Variants in SLC4A4 observed in about 807,000 individuals in gnomAD.
The protein encoded by SLC4A4 is electrogenic sodium bicarbonate cotransporter 1.
SLC4A4 carries 27 observed loss-of-function variants against 111.5 expected under a neutral mutation model. That is an observed-to-expected ratio of 0.24 (90% CI 0.18 to 0.33). The LOEUF (loss-of-function observed/expected upper bound fraction) is 0.33. Ranked by LOEUF, SLC4A4 falls within the 10% of genes least tolerant of loss-of-function variation. The pLI, the probability that SLC4A4 is intolerant of heterozygous loss-of-function variation, is 1.00. For synonymous variants in SLC4A4, 443 were observed against 463.4 expected (o/e 0.96, Z 0.57); for missense variants, 909 against 1,315.5 (o/e 0.69, Z 4.78).
intron 2 of SLC4A4, among the ~76,000 whole-genome samples, chr4:71,107,992 A>G (rs899732276): frequency 2.3e-4 from 35 of 152,160 alleles, no homozygotes; most frequent in Non-Finnish European, 4.7e-4. Context: ...TAACATCCTG[A>G]AGTTATAACA....
At chr4:71,219,889 C>T (rs1055964957) in intron 1 of SLC4A4, among the ~76,000 whole-genome samples, 29 of 152,284 alleles carry the variant, frequency 1.9e-4, no homozygotes, top group African/African-American at 7.0e-4. Flanking sequence ...ATTGTTACAA[C>T]CTCATGACAA....
chr4:71,158,569 C>T (rs1210663298), intron 2 of SLC4A4, among the ~76,000 whole-genome samples: 1 of 152,174 alleles, frequency 6.6e-6, no homozygotes, highest in Non-Finnish European at 1.5e-5. Context: ...TGGCAAAGGG[C>T]CTCCTTTTGA....
At chr4:71,098,950 T>C (rs1742637659) in intron 2 of SLC4A4, among the ~76,000 whole-genome samples, 1 of 152,150 alleles carries the variant, frequency 6.6e-6, no homozygotes, top group African/African-American at 2.4e-5. Context: ...AGCACTCAGA[T>C]TTATAAAGCA....
intron 2 of SLC4A4, among the ~76,000 whole-genome samples, chr4:71,174,135 C>A (rs1346598661): frequency 6.6e-6 from 1 of 152,012 alleles, no homozygotes; most frequent in Admixed American, 6.5e-5. Flanking sequence ...CAGCTATGAA[C>A]TGGGTTTGAA....
At chr4:71,465,978 A>G (rs980097363) in intron 12 of SLC4A4, among the ~76,000 whole-genome samples, 12 of 152,046 alleles carry the variant, frequency 7.9e-5, no homozygotes, top group African/African-American at 2.9e-4. Flanking sequence ...GTGTTTCTCT[A>G]GGAAAAAAAT....
intron 20 of SLC4A4, 41 bp from the exon 21 acceptor site, chr4:71,555,099 T>G: frequency 7.4e-7 from 1 of 1,345,018 alleles, no homozygotes; most frequent in Non-Finnish European, 1.1e-6. Flanking sequence ...CTCTTTTTTC[T>G]TGTTATCATT....
At chr4:71,452,952 C>A (rs1324305412) in intron 11 of SLC4A4, among the ~76,000 whole-genome samples, 2 of 152,080 alleles carry the variant, frequency 1.3e-5, no homozygotes, top group Non-Finnish European at 2.9e-5. Context: ...TGTCTGCCTC[C>A]TTTTCATCCC....
At chr4:71,179,799 G>A (rs1164231040) in intron 2 of SLC4A4, among the ~76,000 whole-genome samples, 4 of 152,088 alleles carry the variant, frequency 2.6e-5, no homozygotes, top group African/African-American at 9.7e-5. Context: ...TAGATTCAAT[G>A]CCATCCCCAT....
chr4:71,429,585 C>A (rs950276878), intron 7 of SLC4A4, among the ~76,000 whole-genome samples: 5 of 152,086 alleles, frequency 3.3e-5, no homozygotes, highest in African/African-American at 9.7e-5. Context: ...CTGGTAAAGA[C>A]AAAAGATCAC....
intron 2 of SLC4A4, among the ~76,000 whole-genome samples, chr4:71,128,198 G>T (rs1743608412): frequency 6.6e-6 from 1 of 152,214 alleles, no homozygotes; most frequent in African/African-American, 2.4e-5. Flanking sequence ...AATCATGGTG[G>T]AAGGCAAGGA....
At chr4:71,429,886 T>A (rs987399142) in intron 7 of SLC4A4, among the ~76,000 whole-genome samples, 15 of 152,180 alleles carry the variant, frequency 9.9e-5, no homozygotes, top group Non-Finnish European at 1.9e-4. Flanking sequence ...GTTTTATCTT[T>A]TATTGTTCTT....
intron 16 of SLC4A4, among the ~76,000 whole-genome samples, chr4:71,526,276 A>G (rs1733411128): frequency 6.6e-6 from 1 of 151,918 alleles, no homozygotes; most frequent in Admixed American, 6.6e-5. Context: ...AATAATAAAC[A>G]CTCTCCAGGA....
At chr4:71,558,713 T>C in intron 22 of SLC4A4, among the ~76,000 whole-genome samples, 1 of 151,952 alleles carries the variant, frequency 6.6e-6, no homozygotes, top group East Asian at 1.9e-4. Flanking sequence ...CCTCTTACTC[T>C]TAGCCAGTAT....
chr4:71,233,207 C>T, intron 1 of SLC4A4: 1 of 936,312 alleles, frequency 1.1e-6, no homozygotes, highest in Non-Finnish European at 1.3e-6. Context: ...TGGCTTGTGC[C>T]TGCAACATAG....
intron 16 of SLC4A4, among the ~76,000 whole-genome samples, chr4:71,502,128 T>TTTTTG (rs1357794151): frequency 1.3e-5 from 2 of 152,098 alleles, no homozygotes; most frequent in Non-Finnish European, 2.9e-5. Context: ...CGCCCACTAA[T>TTTTTG]TTTTGTATTT....
At chr4:71,107,504 G>A (rs1299839288) in intron 2 of SLC4A4, among the ~76,000 whole-genome samples, 8 of 151,712 alleles carry the variant, frequency 5.3e-5, no homozygotes, top group African/African-American at 1.5e-4. Flanking sequence ...ATGCCACCAT[G>A]CCCGGCTAAT....
rs541556774 is a variant in SLC4A4, at chr4:71,090,102, C to A, written c.-64-2628C>A. 1.5e-4 allele frequency among the ~76,000 whole-genome samples: 23 copies of A among 152,166 alleles called. No individual in the cohort carries two copies. The South Asian group carries it at 4.8e-3, about 32-fold the overall frequency. On this transcript the variant is annotated intron_variant, in intron 1 of 26. Transcript: ENST00000649996. ...ACTCAAGCCTTAGCAATGGCGGGCG[C>A]CACTCCCCCAGCCTCGCTGCCACCT...
chr4:71,428,788 A>G (rs1468652206), intron 7 of SLC4A4, among the ~76,000 whole-genome samples: 1 of 152,122 alleles, frequency 6.6e-6, no homozygotes, highest in Non-Finnish European at 1.5e-5. Flanking sequence ...TACAGATTTG[A>G]AGATTAAAAT....
In SLC4A4 at chr4:71,234,758, T is replaced by C. The variant is rs574590380; in HGVS notation, c.-1-1818T>C. Among the ~76,000 whole-genome samples, 10 of 152,306 alleles carry C rather than the reference T, an allele frequency of 6.6e-5. No individual in the cohort carries two copies. The East Asian group carries it at 1.9e-3, about 29-fold the overall frequency. ...CTCAAATCTTCAAGGAATTTTCTTTTCCACCAGAATCTTGATGGCCAACCC... is the reference window on the plus strand; with the variant it reads ...CTCAAATCTTCAAGGAATTTTCTTTCCCACCAGAATCTTGATGGCCAACCC... On this transcript the variant is annotated intron_variant, in intron 1 of 25. Transcript: ENST00000264485.
Sources: gnomAD v4.1 joint callset for allele counts (sites outside exome capture counted in the v4.1 genomes callset) on GRCh38, gnomAD v4.1.1 for gene constraint, MANE v1.5 for transcripts, NCBI Gene and HGNC (gene_info 2026-07-23, HGNC 2026-07-21) for gene names.